The following DIAPH3 variants were observed in gnomAD, a reference collection of about 807,000 sequenced individuals.
DIAPH3 encodes the protein diaphanous related formin 3, also known as protein diaphanous homolog 3.
A neutral mutation model predicts 144.3 loss-of-function variants in DIAPH3; 117 were observed. That is an observed-to-expected ratio of 0.81 (90% CI 0.70 to 0.95). The LOEUF (loss-of-function observed/expected upper bound fraction) is 0.95, where lower values mean the gene tolerates loss of function less well. Among genes scored for constraint, DIAPH3 ranks in the 40% least tolerant of loss-of-function variants. DIAPH3 has a pLI of 0.00. For missense variants in DIAPH3, 1,421 were observed against 1,412.7 expected, an observed-to-expected ratio of 1.01 and a Z score of -0.09; for synonymous variants, 519 against 488.9, an observed-to-expected ratio of 1.06 and a Z score of -0.81.
At chr13:59,910,879 A>C (rs1367260649) in intron 20 of DIAPH3, among the ~76,000 whole-genome samples, 1 of 150,310 alleles carries the variant, frequency 6.7e-6, no homozygotes, top group African/African-American at 2.4e-5. Flanking sequence ...GTTTATGAAG[A>C]GATAGGAAGG....
intron 27 of DIAPH3, among the ~76,000 whole-genome samples, chr13:59,723,671 C>A (rs970927050): frequency 6.6e-6 from 1 of 151,302 alleles, no homozygotes; most frequent in African/African-American, 2.4e-5. Flanking sequence ...TGTGCAGTGG[C>A]GCAATCTCGG....
intron 12 of DIAPH3, among the ~76,000 whole-genome samples, chr13:59,987,482 A>T: frequency 7.3e-6 from 1 of 136,752 alleles, no homozygotes; most frequent in Admixed American, 8.2e-5. Flanking sequence ...TAATAAAAAA[A>T]AAAAAAAGAA....
chr13:59,790,578 CA>C (rs777629790), intron 25 of DIAPH3, among the ~76,000 whole-genome samples: 1 of 152,156 alleles, frequency 6.6e-6, no homozygotes, highest in Non-Finnish European at 1.5e-5. Flanking sequence ...ATTCCTTCCA[CA>C]GTGAGATGTA....
At chr13:60,005,790 A>C (rs1175185265) in intron 9 of DIAPH3, among the ~76,000 whole-genome samples, 2 of 152,126 alleles carry the variant, frequency 1.3e-5, no homozygotes, top group Non-Finnish European at 2.9e-5. Context: ...CCTGAAACGC[A>C]CATTTTAAAT....
intron 17 of DIAPH3, among the ~76,000 whole-genome samples, chr13:59,930,813 A>T (rs2047983348): frequency 6.6e-6 from 1 of 152,202 alleles, no homozygotes; most frequent in Admixed American, 6.5e-5. Flanking sequence ...AGACTGAAGG[A>T]AGTTACAGTA....
chr13:59,940,826 TTC>T (rs1193055781), intron 17 of DIAPH3, among the ~76,000 whole-genome samples: 1 of 152,156 alleles, frequency 6.6e-6, no homozygotes, highest in Non-Finnish European at 1.5e-5. Flanking sequence ...ATCCTGGCCA[TTC>T]AAAGCCTATC....
chr13:59,789,583 A>G (rs1344696689), intron 25 of DIAPH3, among the ~76,000 whole-genome samples: 1 of 152,108 alleles, frequency 6.6e-6, no homozygotes, highest in Non-Finnish European at 1.5e-5. Flanking sequence ...TTTCACAGGA[A>G]TTTTCTTTCA....
chr13:59,935,064 A>T (rs555105272), intron 17 of DIAPH3, among the ~76,000 whole-genome samples: 1 of 152,332 alleles, frequency 6.6e-6, no homozygotes, highest in African/African-American at 2.4e-5. Flanking sequence ...GCACAGGTAC[A>T]CTTATATGCA....
rs552838454 is a variant in DIAPH3 at position 59,680,256 on chromosome 13, A to G, written c.3320-13410T>C. On this transcript the variant is annotated intron_variant, in intron 27 of 27. Transcript: ENST00000400324. ...CATTGTCATACATATGTATCCTATC[A>G]GGATTTTAAAAATATTTCATGCAAG... 1.3e-4 allele frequency among the ~76,000 whole-genome samples: 20 copies of G among 152,336 alleles called. 1 individual carries two copies. The highest frequency in any genetic ancestry group is 3.4e-3 in the Middle Eastern group (1 of 294).
At chr13:60,022,287 A>T (rs2141029374) in intron 5 of DIAPH3, among the ~76,000 whole-genome samples, 1 of 152,256 alleles carries the variant, frequency 6.6e-6, no homozygotes, top group South Asian at 2.1e-4. Context: ...TATGGTGTAA[A>T]ACAAGCGTCC....
At chr13:59,678,778 C>G (rs925188904) in intron 27 of DIAPH3, among the ~76,000 whole-genome samples, 1 of 152,120 alleles carries the variant, frequency 6.6e-6, no homozygotes, top group Non-Finnish European at 1.5e-5. Context: ...AAACAAAACT[C>G]TATATTATTT....
At chr13:59,997,260 A>T (rs1326144714) in intron 9 of DIAPH3, among the ~76,000 whole-genome samples, 1 of 151,942 alleles carries the variant, frequency 6.6e-6, no homozygotes, top group Non-Finnish European at 1.5e-5. Flanking sequence ...CATCCATGTG[A>T]TCACAATTTT....
intron 21 of DIAPH3, among the ~76,000 whole-genome samples, chr13:59,876,320 A>T (rs954904133): frequency 1.3e-5 from 2 of 152,134 alleles, no homozygotes; most frequent in Non-Finnish European, 2.9e-5. Context: ...AAGTTGTAGT[A>T]TTTATTTTGT....
At chr13:59,672,738 T>TCAA (rs752617743) in intron 27 of DIAPH3, among the ~76,000 whole-genome samples, 17 of 152,210 alleles carry the variant, frequency 1.1e-4, no homozygotes, top group Non-Finnish European at 2.5e-4. Flanking sequence ...ATTTCGCTGT[T>TCAA]TATCTTATGT....
At chr13:60,106,127 C>A (rs916257898) in intron 3 of DIAPH3, among the ~76,000 whole-genome samples, 4 of 152,060 alleles carry the variant, frequency 2.6e-5, no homozygotes, top group African/African-American at 9.7e-5. Context: ...TGATTTTTAT[C>A]GGTTCACCTG....
chr13:60,144,675 T>C (rs1317049791), intron 1 of DIAPH3: 1 of 152,240 alleles, frequency 6.6e-6, no homozygotes, highest in Non-Finnish European at 1.5e-5. Flanking sequence ...TCTGGAATTA[T>C]GAGGTTCTAG....
chr13:59,991,219 C>A lies in DIAPH3; in HGVS notation c.1300G>T (p.Glu434Ter), dbSNP rs1229846991. The A allele has an allele frequency of 3.1e-6, 5 of 1,611,386 alleles. No homozygotes were observed. Among genetic ancestry groups the A allele is most frequent in the Non-Finnish European group, 4.2e-6 (5 of 1,178,692 alleles). ...TGAAGAATAGAAATAAAATATCCCT[C>A]TGCTCTAGTTTCTTTAACTGTGCTC... ...VWSTVKETRA[E>*]GYFISILQHL... Residue 434 changes from glutamate to a stop codon, truncating the protein, a stop_gained, in exon 12 of 28, where the codon GAG (glutamate) becomes TAG (stop). Coordinates refer to ENST00000400324, the MANE Select transcript of DIAPH3 (RefSeq NM_001042517.2). LOFTEE classifies it high-confidence loss of function.
chr13:59,940,802 C>A (rs746775529), intron 17 of DIAPH3, among the ~76,000 whole-genome samples: 1 of 152,182 alleles, frequency 6.6e-6, no homozygotes, highest in Admixed American at 6.5e-5. Flanking sequence ...GACTCTCATT[C>A]TTGTGCTGAT....
chr13:59,791,141 A>T (rs1055044610), intron 25 of DIAPH3, among the ~76,000 whole-genome samples: 3 of 151,970 alleles, frequency 2.0e-5, no homozygotes, highest in South Asian at 4.1e-4. Context: ...ATTAAAAAAA[A>T]TTTTGTTTTA....
Sources: allele counts gnomAD v4.1 joint callset (sites outside exome capture counted in the v4.1 genomes callset), GRCh38; gene constraint gnomAD v4.1.1; transcripts MANE v1.5; gene names NCBI Gene and HGNC (gene_info 2026-07-23, HGNC 2026-07-21).